THSD7B: variants seen among roughly 807,000 people sequenced by gnomAD.
THSD7B encodes thrombospondin type 1 domain containing 7B.
A neutral mutation model predicts 213.6 loss-of-function variants in THSD7B; 138 were observed. The observed-to-expected ratio is 0.65, with a 90% CI of 0.56 to 0.74. THSD7B has a LOEUF of 0.74. Among genes scored for constraint, THSD7B ranks in the 30% least tolerant of loss-of-function variants. The pLI, the probability that THSD7B is intolerant of heterozygous loss-of-function variation, is 0.00. For missense variants in THSD7B, 1,931 were observed against 1,991.5 expected, an observed-to-expected ratio of 0.97 and a Z score of 0.58; for synonymous variants, 742 against 687.0, an observed-to-expected ratio of 1.08 and a Z score of -1.25.
chr2:137,231,893 GC>G, intron 8 of THSD7B, among the ~76,000 whole-genome samples: 1 of 152,102 alleles, frequency 6.6e-6, no homozygotes, highest in Non-Finnish European at 1.5e-5. Context: ...GGCTTTTTCT[GC>G]CCATGGCTCA....
intron 25 of THSD7B, among the ~76,000 whole-genome samples, chr2:137,662,750 A>G (rs1474055734): frequency 6.6e-6 from 1 of 152,126 alleles, no homozygotes; most frequent in East Asian, 1.9e-4. Context: ...TGCCATAAAC[A>G]TCTCCATAAG....
chr2:137,584,760 G>A (rs1461135683), intron 17 of THSD7B, among the ~76,000 whole-genome samples: 3 of 152,122 alleles, frequency 2.0e-5, no homozygotes, highest in Non-Finnish European at 4.4e-5. Context: ...GAGGATTTTT[G>A]CATCGATGTT....
Position 137,272,644 on chromosome 2 carries a change from C to T in THSD7B, c.2378C>T (p.Ser793Phe), listed in dbSNP as rs1347902701. Residue 793 changes from serine to phenylalanine, a missense_variant, in exon 11 of 28, where the codon TCC (serine) becomes TTC (phenylalanine). Physicochemically the swap from Ser to Phe is radical, Grantham distance 155 (BLOSUM62 -2). Coordinates refer to ENST00000409968, the MANE Select transcript of THSD7B (RefSeq NM_001316349.2). ...GAGGAGAGAGAGTGTGAAGATGTTT[C>T]CTTGTGTCCTGTATATCGGCAAGTA... The part of the protein sequence containing the change: ...LYEERECEDV[S>F]LCPVYRWKPQ... 1 of 1,611,692 alleles carries T rather than the reference C, an allele frequency of 6.2e-7. No homozygotes were observed. Among genetic ancestry groups the T allele is most frequent in the Non-Finnish European group, 8.5e-7 (1 of 1,178,752 alleles).
chr2:137,319,867 G>A (rs1349129854), intron 12 of THSD7B, among the ~76,000 whole-genome samples: 1 of 152,244 alleles, frequency 6.6e-6, no homozygotes, highest in South Asian at 2.1e-4. Context: ...ATAGAATATT[G>A]GGTAGAGCTT....
At chr2:137,030,919 T>G (rs1036181104) in intron 2 of THSD7B, among the ~76,000 whole-genome samples, 1 of 152,212 alleles carries the variant, frequency 6.6e-6, no homozygotes, top group African/African-American at 2.4e-5. Flanking sequence ...CTAAAGCTAT[T>G]GAAATAAAAG....
intron 9 of THSD7B, 55 bp from the exon 10 acceptor site, chr2:137,242,402 G>T: frequency 7.2e-7 from 1 of 1,386,448 alleles, no homozygotes. Context: ...ATAGTTCTGC[G>T]TTCAACGGCT....
chr2:136,984,117 T>C (rs1464965838), intron 2 of THSD7B, among the ~76,000 whole-genome samples: 2 of 152,228 alleles, frequency 1.3e-5, no homozygotes, highest in Non-Finnish European at 2.9e-5. Context: ...AAGTCTGTGA[T>C]GAATTATCAA....
At chr2:137,463,549 A>C (rs960953789) in intron 15 of THSD7B, among the ~76,000 whole-genome samples, 1 of 151,904 alleles carries the variant, frequency 6.6e-6, no homozygotes, top group Non-Finnish European at 1.5e-5. Context: ...TTTCTCTACT[A>C]TCATTCCAAA....
chr2:137,586,335 A>C (rs1238889061), intron 17 of THSD7B, among the ~76,000 whole-genome samples: 1 of 152,122 alleles, frequency 6.6e-6, no homozygotes, highest in Non-Finnish European at 1.5e-5. Flanking sequence ...GCCCATTTAC[A>C]TTTAAGGTTA....
chr2:136,842,240 C>T (rs532481220), intron 1 of THSD7B, among the ~76,000 whole-genome samples: 35 of 152,324 alleles, frequency 2.3e-4, no homozygotes, highest in African/African-American at 8.4e-4. Flanking sequence ...AAAAAAAGAA[C>T]TGCGCTGGGT....
intron 20 of THSD7B, among the ~76,000 whole-genome samples, chr2:137,631,941 T>C (rs542271662): frequency 1.3e-5 from 2 of 152,338 alleles, no homozygotes; most frequent in African/African-American, 4.8e-5. Flanking sequence ...GTCAAGGGTA[T>C]AATTACTGAT....
chr2:137,570,924 T>A (rs867069249), intron 16 of THSD7B, among the ~76,000 whole-genome samples: 3 of 152,178 alleles, frequency 2.0e-5, no homozygotes, highest in Admixed American at 1.3e-4. Context: ...TATTTTCACA[T>A]AGAAAGTCTT....
chr2:136,799,397 G>A (rs1485939325), intron 1 of THSD7B, among the ~76,000 whole-genome samples: 1 of 151,904 alleles, frequency 6.6e-6, no homozygotes. Context: ...TTCTTTTGGT[G>A]ACAAAAATGC....
At chr2:137,506,594 C>T (rs1679839811) in intron 15 of THSD7B, among the ~76,000 whole-genome samples, 1 of 152,206 alleles carries the variant, frequency 6.6e-6, no homozygotes, top group Non-Finnish European at 1.5e-5. Context: ...GATAACTACT[C>T]AGGAGGGAGG....
At chr2:137,091,162 A>G (rs926891246) in intron 3 of THSD7B, among the ~76,000 whole-genome samples, 7 of 152,218 alleles carry the variant, frequency 4.6e-5, no homozygotes, top group African/African-American at 1.7e-4. Flanking sequence ...TAAAAGCCTC[A>G]ATTAATTCCT....
At chr2:136,966,782 C>T (rs1056687014) in intron 2 of THSD7B, among the ~76,000 whole-genome samples, 3 of 152,112 alleles carry the variant, frequency 2.0e-5, no homozygotes, top group Non-Finnish European at 4.4e-5. Flanking sequence ...CCTGAATATA[C>T]CATGAAGCAC....
chr2:137,178,940 G>GT (rs1259470970), intron 7 of THSD7B, among the ~76,000 whole-genome samples: 1 of 152,110 alleles, frequency 6.6e-6, no homozygotes, highest in Non-Finnish European at 1.5e-5. Flanking sequence ...AATGTAATCT[G>GT]TTTTTTCCAG....
intron 2 of THSD7B, among the ~76,000 whole-genome samples, chr2:137,039,761 T>C (rs1023298487): frequency 1.2e-4 from 18 of 152,192 alleles, no homozygotes; most frequent in African/African-American, 4.1e-4. Flanking sequence ...CCTGTATAGC[T>C]CTGAAGCACT....
At chr2:137,375,428 G>A (rs1397950264) in intron 12 of THSD7B, among the ~76,000 whole-genome samples, 3 of 152,156 alleles carry the variant, frequency 2.0e-5, no homozygotes, top group Non-Finnish European at 2.9e-5. Context: ...TGGATGGAAA[G>A]CCTTTCAATA....
Sources: allele counts gnomAD v4.1 joint callset (sites outside exome capture counted in the v4.1 genomes callset), GRCh38; gene constraint gnomAD v4.1.1; transcripts MANE v1.5; gene names NCBI Gene and HGNC (gene_info 2026-07-23, HGNC 2026-07-21).